Variants in LRP1B observed in about 807,000 individuals in gnomAD.
LRP1B encodes the protein LDL receptor related protein 1B.
Under a neutral mutation model 556.6 loss-of-function variants are expected in LRP1B, and 217 were observed. The ratio of observed to expected loss-of-function variants is 0.39; its 90% confidence interval spans 0.35 to 0.44. The LOEUF is 0.44. Ranked by LOEUF, LRP1B falls within the 20% of genes least tolerant of loss-of-function variation. The probability of loss-of-function intolerance (pLI) is 1.00; values close to 1 mark genes in which losing one functional copy is unlikely to be tolerated. For missense variants in LRP1B, 5,053 were observed against 5,620.8 expected, an observed-to-expected ratio of 0.90 and a Z score of 3.23; for synonymous variants, 2,047 against 1,865.8, an observed-to-expected ratio of 1.10 and a Z score of -2.50.
intron 2 of LRP1B, among the ~76,000 whole-genome samples, chr2:141,492,906 G>A (rs776336540): frequency 1.1e-4 from 17 of 152,018 alleles, no homozygotes; most frequent in Non-Finnish European, 8.8e-5. Context: ...TATGGCATTC[G>A]AAATGACATT....
chr2:141,384,917 G>A (rs888875838), intron 3 of LRP1B, among the ~76,000 whole-genome samples: 19 of 152,074 alleles, frequency 1.2e-4, no homozygotes, highest in Non-Finnish European at 2.6e-4. Context: ...TAAGAACAAA[G>A]AGCTTGTAAA....
intron 79 of LRP1B, among the ~76,000 whole-genome samples, chr2:140,329,058 C>A (rs1374090965): frequency 6.6e-6 from 1 of 151,990 alleles, no homozygotes; most frequent in African/African-American, 2.4e-5. Flanking sequence ...TTTTAAATAT[C>A]AAGGAATGTA....
At chr2:141,280,551 TA>T (rs1685473726) in intron 3 of LRP1B, among the ~76,000 whole-genome samples, 1 of 152,086 alleles carries the variant, frequency 6.6e-6, no homozygotes, top group Middle Eastern at 3.4e-3. Context: ...AACAACTTAA[TA>T]ATAAATAATT....
intron 40 of LRP1B, 143 bp downstream of exon 40, chr2:140,701,578 G>GAT (rs1158914119): frequency 5.1e-6 from 4 of 791,540 alleles, no homozygotes; most frequent in Non-Finnish European, 7.8e-6. Context: ...GCTACTATAT[G>GAT]ATACTTGCAG....
At chr2:141,536,649 C>G (rs1304729306) in intron 2 of LRP1B, among the ~76,000 whole-genome samples, 1 of 151,968 alleles carries the variant, frequency 6.6e-6, no homozygotes, top group Non-Finnish European at 1.5e-5. Context: ...GCAAAGAAAG[C>G]TGACTAGAAG....
chr2:140,418,639 G>A (rs908031140), intron 66 of LRP1B, among the ~76,000 whole-genome samples: 5 of 151,380 alleles, frequency 3.3e-5, no homozygotes, highest in Non-Finnish European at 7.4e-5. Flanking sequence ...CTGGATATAA[G>A]CAACACACTT....
intron 1 of LRP1B, among the ~76,000 whole-genome samples, chr2:142,008,947 T>A (rs967172443): frequency 6.6e-6 from 1 of 152,162 alleles, no homozygotes; most frequent in Non-Finnish European, 1.5e-5. Context: ...GTTCAGTGAT[T>A]CCACCACCCA....
chr2:141,361,263 T>G (rs576817424), intron 3 of LRP1B, among the ~76,000 whole-genome samples: 1 of 152,320 alleles, frequency 6.6e-6, no homozygotes, highest in South Asian at 2.1e-4. Context: ...CCTTCCCATA[T>G]TCATGAATCT....
intron 1 of LRP1B, among the ~76,000 whole-genome samples, chr2:141,902,138 C>T (rs1699635931): frequency 6.6e-6 from 1 of 151,310 alleles, no homozygotes; most frequent in Non-Finnish European, 1.5e-5. Context: ...ATAATTGACA[C>T]TATTACTATT....
intron 41 of LRP1B, among the ~76,000 whole-genome samples, chr2:140,606,085 G>T (rs993226376): frequency 5.3e-5 from 8 of 151,924 alleles, no homozygotes; most frequent in Non-Finnish European, 8.8e-5. Flanking sequence ...TGGAAAGAAA[G>T]AAGTAACACT....
intron 25 of LRP1B, among the ~76,000 whole-genome samples, chr2:140,878,989 CAA>C (rs3063609): frequency 0.8 from 109,101 of 135,716 alleles, 43,704 homozygotes; most frequent in Non-Finnish European, 0.88. Context: ...ACTCTGTTTC[CAA>C]AAAAAAAAAA....
At chr2:141,846,081 A>C (rs1207071249) in intron 1 of LRP1B, among the ~76,000 whole-genome samples, 4 of 151,564 alleles carry the variant, frequency 2.6e-5, no homozygotes, top group Non-Finnish European at 1.5e-5. Flanking sequence ...ATAACGGTAA[A>C]AGTTAATGAT....
At chr2:140,388,032 G>A (rs13030387) in intron 66 of LRP1B, among the ~76,000 whole-genome samples, 13,272 of 151,240 alleles carry the variant, frequency 0.088, 683 homozygotes, top group Middle Eastern at 0.14. Flanking sequence ...TGCTTCCTGA[G>A]TTCAAGTGAT....
intron 66 of LRP1B, among the ~76,000 whole-genome samples, chr2:140,397,309 T>C (rs1258453435): frequency 6.6e-6 from 1 of 151,958 alleles, no homozygotes; most frequent in African/African-American, 2.4e-5. Flanking sequence ...CCAGCATGCA[T>C]TAGCTATTTT....
intron 82 of LRP1B, among the ~76,000 whole-genome samples, chr2:140,319,680 T>G (rs974629736): frequency 4.6e-5 from 7 of 152,084 alleles, no homozygotes; most frequent in African/African-American, 1.4e-4. Context: ...ATACTAGGCT[T>G]AATACCTAGG....
At chr2:140,444,248 A>G (rs1336891397) in intron 65 of LRP1B, 82 bp downstream of exon 65, 3 of 1,414,264 alleles carry the variant, frequency 2.1e-6, no homozygotes, top group Admixed American at 3.9e-5. Context: ...CATCATATGA[A>G]TTTATGAAGT....
chr2:140,524,569 C>T (rs75532512), intron 49 of LRP1B, among the ~76,000 whole-genome samples: 2,790 of 151,670 alleles, frequency 0.018, 73 homozygotes, highest in African/African-American at 0.064. Context: ...AGTGGTGCAC[C>T]GGATAAAGAA....
intron 2 of LRP1B, among the ~76,000 whole-genome samples, chr2:141,739,245 A>C (rs1693606357): frequency 6.6e-6 from 1 of 152,144 alleles, no homozygotes; most frequent in Admixed American, 6.6e-5. Context: ...TAATCAGATC[A>C]ATAATCTCCT....
At chr2:142,007,845 G>A (rs1246123263) in intron 1 of LRP1B, among the ~76,000 whole-genome samples, 1 of 152,192 alleles carries the variant, frequency 6.6e-6, no homozygotes, top group Non-Finnish European at 1.5e-5. Context: ...GTAAGTGTAA[G>A]TTATTTAACT....
Sources: gnomAD v4.1 joint callset for allele counts (sites outside exome capture counted in the v4.1 genomes callset) on GRCh38, gnomAD v4.1.1 for gene constraint, MANE v1.5 for transcripts, NCBI Gene and HGNC (gene_info 2026-07-23, HGNC 2026-07-21) for gene names.